The following ABCA3 variants were observed in gnomAD, a reference collection of about 807,000 sequenced individuals.
The protein encoded by ABCA3 is phospholipid-transporting ATPase ABCA3.
Under a neutral mutation model 172.8 loss-of-function variants are expected in ABCA3, and 88 were observed. The ratio of observed to expected loss-of-function variants is 0.51; its 90% CI spans 0.43 to 0.61. The LOEUF (loss-of-function observed/expected upper bound fraction) is 0.61. ABCA3 is among the 20% of genes least tolerant of loss of function. ABCA3 has a pLI of 0.00. For missense variants in ABCA3, 2,164 were observed against 2,301.0 expected, an observed-to-expected ratio of 0.94 and a Z score of 1.22; for synonymous variants, 1,066 against 983.8, an observed-to-expected ratio of 1.08 and a Z score of -1.56.
At chr16:2,319,510 A>T in intron 8 of ABCA3, 71 bp downstream of exon 8, 1 of 1,557,710 alleles carries the variant, frequency 6.4e-7, no homozygotes, top group Admixed American at 1.9e-5. Context: ...CTAAAACACC[A>T]AGCCTTTGGA....
In ABCA3 at chr16:2,336,629, G is replaced by A. The variant is rs1170256683; in HGVS notation, c.-539+3944C>T. On this transcript the variant is annotated intron_variant, in intron 1 of 32. Transcript: ENST00000301732. The stretch of plus-strand genomic sequence containing the variant: ...TTTTTTTTTTTTTTTTTGTAGAGAC[G>A]GGGTTTCACCATGTTGACCAGGCTG... Among the ~76,000 whole-genome samples the A allele has an allele frequency of 3.7e-4, 53 of 142,422 alleles. 1 individual carries two copies. The highest frequency in any genetic ancestry group is 1.1e-3 in the African/African-American group (44 of 38,660). 93.4% of individuals were successfully genotyped at this position (142,422 alleles called of 152,430 possible).
Position 2,319,655 on chromosome 16 carries a change from G to T in ABCA3, c.799C>A (p.Leu267Met). 6.2e-7 allele frequency: 1 copy of T among 1,613,868 alleles called. No individual in the cohort carries two copies. Among genetic ancestry groups the T allele is most frequent in the South Asian group, 1.1e-5 (1 of 91,084 alleles). The change falls in exon 8 of 33, where the codon CTG (leucine) becomes ATG (methionine). Residue 267 changes from leucine to methionine, a missense_variant. This residue lies in a region of ABCA3 where 1,343 missense variants were observed against 1,369.6 expected (regional missense o/e 0.98). Coordinates refer to ENST00000301732, the MANE Select transcript of ABCA3 (RefSeq NM_001089.3). ...GCGGTGTAGGTGAAGCTGAGCAGCA[G>T]CAGCAGGGGCAGCTGGTACTGGATG... ...VAIQYQLPLLLLLSFTYTALT... is the reference protein window; with the variant it reads ...VAIQYQLPLLMLLSFTYTALT...
chr16:2,339,766 C>G (rs1194302290), intron 1 of ABCA3, among the ~76,000 whole-genome samples: 1 of 152,270 alleles, frequency 6.6e-6, no homozygotes, highest in Non-Finnish European at 1.5e-5. Flanking sequence ...GCAATTACCC[C>G]CTGAGGACAT....
intron 10 of ABCA3, among the ~76,000 whole-genome samples, chr16:2,309,486 C>T (rs1468432963): frequency 6.6e-6 from 1 of 152,130 alleles, no homozygotes; most frequent in Admixed American, 6.6e-5. Flanking sequence ...AAGAGGCTCC[C>T]GACGGCCGGG....
chr16:2,322,676 T>C (rs1199475533), intron 7 of ABCA3, among the ~76,000 whole-genome samples: 3 of 152,042 alleles, frequency 2.0e-5, no homozygotes, highest in African/African-American at 7.2e-5. Context: ...AAGACTTCAA[T>C]GTTAGGCCTG....
intron 12 of ABCA3, among the ~76,000 whole-genome samples, chr16:2,302,471 A>AT (rs2093691057): frequency 6.6e-6 from 1 of 151,262 alleles, no homozygotes; most frequent in Non-Finnish European, 1.5e-5. Flanking sequence ...ACTTGTAAGC[A>AT]TTTTTTACAA....
At position 2,297,382 on chromosome 16, in the gene ABCA3, G is replaced by A; in HGVS notation, c.2210C>T (p.Ala737Val). 6.2e-7 allele frequency: 1 copy of A among 1,613,280 alleles called. No homozygotes were observed. The highest frequency in any genetic ancestry group is 8.5e-7 in the Non-Finnish European group (1 of 1,180,004). ...DLLGDRIAIM[A>V]KGELQCCGSS... ...CCCGCAGCACTGCAGCTCCCCCTTG[G>A]CCATGATGGCGATGCGGTCTCCCAG... is the stretch of plus-strand genomic sequence containing the variant. The change falls in exon 17 of 33, where the codon GCC (alanine) becomes GTC (valine). Residue 737 changes from alanine (A) to valine (V), a missense_variant. Ala to Val is a moderately conservative substitution (Grantham distance 64). Transcript: ENST00000301732. This position sits in a 1 kb window ranked among gnomAD's most constrained non-coding sequence, Gnocchi z 5.6.
At chr16:2,299,324 G>A in intron 14 of ABCA3, 79 bp downstream of exon 14, 1 of 1,589,650 alleles carries the variant, frequency 6.3e-7, no homozygotes, top group Non-Finnish European at 8.6e-7. Flanking sequence ...CCCATTGAGG[G>A]AGTGAGGCGG....
intron 10 of ABCA3, among the ~76,000 whole-genome samples, chr16:2,310,076 CA>C (rs1452317240): frequency 6.6e-6 from 1 of 152,002 alleles, no homozygotes; most frequent in Non-Finnish European, 1.5e-5. Flanking sequence ...TTAAGAATAA[CA>C]GTAACAAATC....
chr16:2,317,428 G>T, intron 9 of ABCA3, 25 bp from the exon 10 acceptor site: 1 of 1,612,584 alleles, frequency 6.2e-7, no homozygotes. Context: ...CATGAGTCGG[G>T]CGTGGTGGGC....
intron 1 of ABCA3, among the ~76,000 whole-genome samples, chr16:2,331,474 C>T (rs1394818195): frequency 5.9e-5 from 9 of 152,246 alleles, no homozygotes; most frequent in African/African-American, 1.9e-4. Flanking sequence ...GTGGGGATTA[C>T]AGGCGTGAGC....
chr16:2,297,596 TGGCCTTGCGGTA>T lies in ABCA3; in HGVS notation c.2053-69_2053-58del. The T allele has an allele frequency of 8.1e-6, 13 of 1,604,426 alleles. No individual in the cohort carries two copies. Among genetic ancestry groups the T allele is most frequent in the African/African-American group, 1.3e-5 (1 of 74,886 alleles). On this transcript the variant is annotated intron_variant, in intron 16 of 32. Transcript: ENST00000301732. The surrounding 1 kb of genome is among the most constrained non-coding windows in gnomAD (Gnocchi z 5.6). The stretch of plus-strand genomic sequence containing the variant: ...GTAGAGCCACACCCCGGGCCCAGGC[TGGCCTTGCGGTA>T]GGCCCCATCGAGGGGTTCGCGGAGC...
Position 2,276,729 on chromosome 16 carries a change from T to C in ABCA3, c.5060A>G (p.Gln1687Arg). Reference protein sequence around the residue: ...DYSVSQISLEQVFLSFAHLQP... With the variant: ...DYSVSQISLERVFLSFAHLQP... ...CAGGTGGGCGAAGCTCAGGAAGACC[T>C]GTTCCAGCGAGATCTGGCTCACGGA... The change falls in exon 33 of 33, where the codon CAG becomes CGG. Residue 1687 changes from glutamine (Q) to arginine (R), a missense_variant. Physicochemically the swap from Gln to Arg is conservative, Grantham distance 43 (BLOSUM62 1). Around this residue, in one of 3 missense-constraint regions of ABCA3, gnomAD observed 795 missense variants for 881.9 expected, o/e 0.90. Coordinates refer to ENST00000301732, the MANE Select transcript of ABCA3 (RefSeq NM_001089.3). The C allele has an allele frequency of 2.5e-6, 4 of 1,613,982 alleles. No homozygotes were observed. The highest frequency in any genetic ancestry group is 3.4e-6 in the Non-Finnish European group (4 of 1,180,036).
intron 18 of ABCA3, among the ~76,000 whole-genome samples, chr16:2,293,217 A>T (rs2093674781): frequency 6.6e-6 from 1 of 150,888 alleles, no homozygotes; most frequent in Non-Finnish European, 1.5e-5. Context: ...ACACCCAGCT[A>T]ATTTTTTGTA....
intron 10 of ABCA3, among the ~76,000 whole-genome samples, chr16:2,313,400 C>A (rs549963700): frequency 1.2e-3 from 174 of 150,996 alleles, no homozygotes; most frequent in African/African-American, 4.1e-3. Flanking sequence ...ACTAAAAATA[C>A]AAAATTAGCT....
chr16:2,330,614 C>T (rs1408590220), intron 1 of ABCA3, among the ~76,000 whole-genome samples: 1 of 151,846 alleles, frequency 6.6e-6, no homozygotes, highest in Non-Finnish European at 1.5e-5. Context: ...GCCACTGTAC[C>T]CAGCTGAAAC....
In ABCA3 at chr16:2,277,092, C is replaced by CT. The variant is rs1244704465; in HGVS notation, c.4984-288dup. ...GTGATGTTCCCTTTCTGAGCCAGTT[C>CT]TTTTTTTCCCCCATATTTTTTTAGA... On this transcript the variant is annotated intron_variant, in intron 32 of 32. Transcript: ENST00000301732. This position sits in a 1 kb window ranked among gnomAD's most constrained non-coding sequence, Gnocchi z 5.3. Among the ~76,000 whole-genome samples, 1 of 152,130 alleles carries CT rather than the reference C, an allele frequency of 6.6e-6. No homozygotes were observed. Among genetic ancestry groups the CT allele is most frequent in the African/African-American group, 2.4e-5 (1 of 41,414 alleles).
At chr16:2,321,565 C>T (rs2093726133) in intron 7 of ABCA3, among the ~76,000 whole-genome samples, 1 of 152,178 alleles carries the variant, frequency 6.6e-6, no homozygotes, top group Admixed American at 6.5e-5. Flanking sequence ...GGACTTCCAC[C>T]CAGAACCTGC....
At chr16:2,323,260 A>T in intron 7 of ABCA3, 1 of 553,416 alleles carries the variant, frequency 1.8e-6, no homozygotes, top group Non-Finnish European at 3.2e-6. Flanking sequence ...TTCCTCAGGG[A>T]TCTAGAACTA....
Sources: gnomAD v4.1 joint callset for allele counts (sites outside exome capture counted in the v4.1 genomes callset) on GRCh38, gnomAD v4.1.1 for gene constraint, gnomAD v4.1.1 regional missense constraint, Gnocchi (gnomAD v3.1) non-coding constraint, MANE v1.5 for transcripts, NCBI Gene and HGNC (gene_info 2026-07-23, HGNC 2026-07-21) for gene names.